SDK1: variants seen among roughly 807,000 people sequenced by gnomAD.
SDK1 encodes the protein sidekick cell adhesion molecule 1, also known as protein sidekick-1.
In SDK1, 157 loss-of-function variants were observed where a neutral mutation model predicts 245.5. The observed-to-expected ratio is 0.64, with a 90% confidence interval of 0.56 to 0.73. The LOEUF (loss-of-function observed/expected upper bound fraction) is 0.73, where lower values mean the gene tolerates loss of function less well. Ranked by LOEUF, SDK1 falls within the 30% of genes least tolerant of loss-of-function variation. The probability of loss-of-function intolerance (pLI) is 0.00; values close to 1 mark genes in which losing one functional copy is unlikely to be tolerated. For synonymous variants in SDK1, 1,647 were observed against 1,278.5 expected, an observed-to-expected ratio of 1.29 and a Z score of -6.15; for missense variants, 3,583 against 3,002.3, an observed-to-expected ratio of 1.19 and a Z score of -4.52.
At chr7:4,062,920 A>C in intron 19 of SDK1, among the ~76,000 whole-genome samples, 1 of 152,250 alleles carries the variant, frequency 6.6e-6, no homozygotes, top group East Asian at 1.9e-4. Context: ...TTATAATAAA[A>C]ACTCTCAACA....
chr7:3,356,653 ATAAC>A (rs961146806), intron 1 of SDK1, among the ~76,000 whole-genome samples: 35 of 152,344 alleles, frequency 2.3e-4, no homozygotes, highest in African/African-American at 7.5e-4. Context: ...ACAATATAAT[ATAAC>A]TAAGGAAACT....
chr7:4,157,069 G>A (rs606208), intron 30 of SDK1, among the ~76,000 whole-genome samples: 87,189 of 151,838 alleles, frequency 0.57, 26,233 homozygotes, highest in East Asian at 0.75. Flanking sequence ...TTCGGAAGTC[G>A]AATGAAGGGT....
At chr7:4,012,348 A>G (rs1463989332) in intron 16 of SDK1, 113 bp downstream of exon 16, 6 of 1,183,054 alleles carry the variant, frequency 5.1e-6, no homozygotes, top group South Asian at 2.1e-5. Context: ...CAAAGGAGTC[A>G]GGCCAGGTGT....
chr7:4,213,047 G>A (rs373348933), intron 38 of SDK1, among the ~76,000 whole-genome samples: 209 of 152,296 alleles, frequency 1.4e-3, no homozygotes, highest in African/African-American at 4.8e-3. Flanking sequence ...TTGGGAGGCC[G>A]AGGTGGGCGG....
At chr7:3,801,911 C>T (rs886786550) in intron 4 of SDK1, among the ~76,000 whole-genome samples, 70 of 152,324 alleles carry the variant, frequency 4.6e-4, no homozygotes, top group African/African-American at 1.7e-3. Flanking sequence ...CTCTGCTGAC[C>T]AGCTGGAGGA....
chr7:3,749,520 C>T (rs547680627), intron 4 of SDK1, among the ~76,000 whole-genome samples: 3 of 152,232 alleles, frequency 2.0e-5, no homozygotes, highest in South Asian at 2.1e-4. Flanking sequence ...AGGCTGGTCT[C>T]GAACTCCTGA....
At chr7:3,939,341 A>T (rs962073133) in intron 5 of SDK1, among the ~76,000 whole-genome samples, 3 of 152,248 alleles carry the variant, frequency 2.0e-5, no homozygotes, top group Non-Finnish European at 4.4e-5. Context: ...TGTCTTCCAG[A>T]CACAACAAAA....
intron 40 of SDK1, among the ~76,000 whole-genome samples, chr7:4,230,432 G>A (rs1263809581): frequency 6.9e-6 from 1 of 144,092 alleles, no homozygotes; most frequent in Non-Finnish European, 1.5e-5. Context: ...GGGAAGGGAA[G>A]GGAGGGCACA....
intron 17 of SDK1, among the ~76,000 whole-genome samples, chr7:4,036,812 C>T (rs1788253915): frequency 6.6e-6 from 1 of 152,108 alleles, no homozygotes; most frequent in Non-Finnish European, 1.5e-5. Context: ...CTGAATCTGC[C>T]TCAGTCTTGG....
At chr7:3,557,353 G>A (rs964870187) in intron 1 of SDK1, among the ~76,000 whole-genome samples, 6 of 152,290 alleles carry the variant, frequency 3.9e-5, no homozygotes, top group African/African-American at 1.4e-4. Flanking sequence ...AGGTCAGTTT[G>A]TCAAAAACTG....
At chr7:3,879,529 C>T (rs1781154386) in intron 5 of SDK1, among the ~76,000 whole-genome samples, 1 of 152,194 alleles carries the variant, frequency 6.6e-6, no homozygotes, top group African/African-American at 2.4e-5. Context: ...GGCTGTGCTT[C>T]AGAACCTTGG....
At chr7:3,817,799 A>C (rs542242715) in intron 4 of SDK1, among the ~76,000 whole-genome samples, 1 of 152,192 alleles carries the variant, frequency 6.6e-6, no homozygotes, top group Non-Finnish European at 1.5e-5. Context: ...ATAGAGAACT[A>C]TGATTTTGCC....
intron 4 of SDK1, among the ~76,000 whole-genome samples, chr7:3,820,617 TATA>T (rs1174308955): frequency 6.6e-6 from 1 of 152,250 alleles, no homozygotes; most frequent in Non-Finnish European, 1.5e-5. Context: ...AATTAAGTAG[TATA>T]ATGAGAGTCT....
intron 1 of SDK1, among the ~76,000 whole-genome samples, chr7:3,363,907 A>G (rs914491619): frequency 1.3e-5 from 2 of 152,132 alleles, no homozygotes; most frequent in African/African-American, 2.4e-5. Context: ...ATACTATTTT[A>G]CGTTGTCACC....
rs552549923 is a variant in SDK1, at chr7:3,942,051, C to T, written c.848-8872C>T. Reference sequence around the variant, plus strand: ...AGCCTCCCGTAGCTGGGACTACAGGCGCCCGCCACCATGCCCAGCTAATTT... The same window carrying T: ...AGCCTCCCGTAGCTGGGACTACAGGTGCCCGCCACCATGCCCAGCTAATTT... On this transcript the variant is annotated intron_variant, in intron 5 of 44. Transcript: ENST00000404826. Among the ~76,000 whole-genome samples, 6 of 152,074 alleles carry T rather than the reference C, an allele frequency of 3.9e-5. No homozygotes were observed. In the East Asian group the frequency reaches 5.8e-4, roughly 15 times the overall value.
At chr7:3,732,124 G>A (rs1199110630) in intron 4 of SDK1, among the ~76,000 whole-genome samples, 3 of 152,210 alleles carry the variant, frequency 2.0e-5, no homozygotes, top group African/African-American at 7.2e-5. Flanking sequence ...GGTGAATGAA[G>A]GAATATTTGT....
chr7:3,723,348 A>C (rs930111566), intron 4 of SDK1, among the ~76,000 whole-genome samples: 2 of 152,218 alleles, frequency 1.3e-5, no homozygotes, highest in East Asian at 3.9e-4. Context: ...TATATCTTAA[A>C]TATAAGCCTT....
At chr7:3,435,389 G>A (rs546348315) in intron 1 of SDK1, among the ~76,000 whole-genome samples, 1 of 128,708 alleles carries the variant, frequency 7.8e-6, no homozygotes, top group East Asian at 2.4e-4. Context: ...GGAGTGCAGT[G>A]ACTTGATCTC....
chr7:4,013,248 T>C (rs1786130457), intron 16 of SDK1, among the ~76,000 whole-genome samples: 1 of 152,230 alleles, frequency 6.6e-6, no homozygotes, highest in Admixed American at 6.5e-5. Context: ...GAAACCTCCT[T>C]TGCCAAAACT....
Sources: allele counts gnomAD v4.1 joint callset (sites outside exome capture counted in the v4.1 genomes callset), GRCh38; gene constraint gnomAD v4.1.1; transcripts MANE v1.5; gene names NCBI Gene and HGNC (gene_info 2026-07-23, HGNC 2026-07-21).